ZNF99: variants seen among roughly 807,000 people sequenced by gnomAD.
The protein encoded by ZNF99 is zinc finger protein 99, also known as zinc finger protein ENSP00000375192.
In ZNF99, 8 loss-of-function variants were observed where a neutral mutation model predicts 12.8. That is an observed-to-expected ratio of 0.62 (90% confidence interval 0.37 to 1.13). The LOEUF is 1.13. Ranked by LOEUF, ZNF99 falls within the 50% of genes most tolerant of loss-of-function variation. ZNF99 has a pLI of 0.02. For missense variants in ZNF99, 1,007 were observed against 1,006.2 expected (o/e 1.00, Z -0.01); for synonymous variants, 318 against 319.0 (o/e 1.00, Z 0.03).
Position 22,756,324 on chromosome 19 carries a change from G to A in ZNF99, c.*990C>T, listed in dbSNP as rs543336736. Reference sequence around the variant, plus strand: ...CCTCCAGTATGAATTGTTTTATGTTGAGTAAGGTGTGAGGACTGGTTAAAG... The same window carrying A: ...CCTCCAGTATGAATTGTTTTATGTTAAGTAAGGTGTGAGGACTGGTTAAAG... On this transcript the variant is annotated 3_prime_UTR_variant, in exon 4 of 4. Transcript: ENST00000596209. The A allele has an allele frequency of 1.3e-6, 2 of 1,519,046 alleles. No individual in the cohort carries two copies. The highest frequency in any genetic ancestry group is 1.7e-5 in the African/African-American group (1 of 57,496). The allele number at this position is 1,519,046 out of a possible 1,614,324, so 94.1% of individuals were successfully genotyped here. A position where few individuals can be genotyped will look rare whatever the true frequency, so the allele number is the denominator to read the frequency against.
intron 3 of ZNF99, among the ~76,000 whole-genome samples, chr19:22,760,818 A>C (rs1973142577): frequency 6.6e-6 from 1 of 151,520 alleles, no homozygotes; most frequent in Non-Finnish European, 1.5e-5. Context: ...ACAGCAGCAG[A>C]GAATGTAGTA....
At chr19:22,781,634 A>G (rs1282199926) in intron 1 of ZNF99, among the ~76,000 whole-genome samples, 3 of 151,932 alleles carry the variant, frequency 2.0e-5, no homozygotes, top group African/African-American at 7.3e-5. Context: ...AGACAATCTT[A>G]ATGTCTCAAG....
chr19:22,768,453 G>A, intron 2 of ZNF99, 53 bp from the exon 3 acceptor site: 4 of 1,461,682 alleles, frequency 2.7e-6, no homozygotes, highest in South Asian at 2.6e-5. Context: ...CCCAAATAAT[G>A]TGCTCATTAA....
At chr19:22,774,795 G>A (rs8101915) in intron 1 of ZNF99, among the ~76,000 whole-genome samples, 13,030 of 152,120 alleles carry the variant, frequency 0.086, 574 homozygotes, top group Middle Eastern at 0.11. Flanking sequence ...GCTTGAACCC[G>A]GAAGACAGAG....
At chr19:22,771,305 G>A (rs1031192532) in intron 1 of ZNF99, 1 of 134,660 alleles carries the variant, frequency 7.4e-6, no homozygotes, top group Non-Finnish European at 1.5e-5. Context: ...GCCCAGGCTG[G>A]AGTGTAGCAG....
At chr19:22,766,952 A>G (rs1973211042) in intron 3 of ZNF99, among the ~76,000 whole-genome samples, 2 of 151,982 alleles carry the variant, frequency 1.3e-5, no homozygotes, top group South Asian at 4.2e-4. Flanking sequence ...TGCCTGGCGT[A>G]ACTTTCTTTA....
intron 3 of ZNF99, among the ~76,000 whole-genome samples, chr19:22,761,219 T>C (rs931388185): frequency 6.6e-6 from 1 of 152,046 alleles, no homozygotes; most frequent in Admixed American, 6.6e-5. Context: ...CTATAAAAAA[T>C]TTTAAAAATG....
intron 1 of ZNF99, among the ~76,000 whole-genome samples, chr19:22,779,004 T>A (rs1192899608): frequency 7.2e-6 from 1 of 139,060 alleles, no homozygotes; most frequent in South Asian, 2.4e-4. Flanking sequence ...CAAAACTCTA[T>A]CTCAAAAAAA....
At chr19:22,780,314 G>A (rs888620718) in intron 1 of ZNF99, among the ~76,000 whole-genome samples, 25 of 152,248 alleles carry the variant, frequency 1.6e-4, no homozygotes, top group Admixed American at 1.4e-3. Context: ...ATTTTAAGGT[G>A]CTTACACTTT....
In ZNF99 at chr19:22,784,070, C is replaced by T. The variant is rs1209417549; in HGVS notation, c.-54G>A. On this transcript the variant is annotated 5_prime_UTR_variant, in exon 1 of 4. Transcript: ENST00000596209. The stretch of plus-strand genomic sequence containing the variant: ...CTAGCTGTGGATCTCCAAATACCTA[C>T]AGGTCACAGGGCCACAGAGGCTAAG... 18 of 1,607,300 alleles carry T rather than the reference C, an allele frequency of 1.1e-5. No individual in the cohort carries two copies. Among genetic ancestry groups the T allele is most frequent in the Non-Finnish European group, 1.4e-5 (17 of 1,175,104 alleles).
chr19:22,761,651 T>C (rs12986388), intron 3 of ZNF99, among the ~76,000 whole-genome samples: 6,217 of 152,200 alleles, frequency 0.041, 156 homozygotes, highest in East Asian at 0.074. Flanking sequence ...TTAACAGATA[T>C]ATACAGAACA....
intron 1 of ZNF99, among the ~76,000 whole-genome samples, chr19:22,781,952 GA>G (rs938998607): frequency 3.5e-4 from 51 of 143,708 alleles, no homozygotes; most frequent in South Asian, 1.1e-3. Flanking sequence ...GAGCAAGGAG[GA>G]AAAAAAAAAA....
Position 22,756,830 on chromosome 19 carries a change from G to A in ZNF99, c.*484C>T. The A allele has an allele frequency of 6.2e-7, 1 of 1,612,360 alleles. No individual in the cohort carries two copies. Among genetic ancestry groups the A allele is most frequent in the Non-Finnish European group, 8.5e-7 (1 of 1,179,326 alleles). On this transcript the variant is annotated 3_prime_UTR_variant, in exon 4 of 4. Coordinates refer to ENST00000596209, the MANE Select transcript of ZNF99 (RefSeq NM_001080409.3). ...GTATAATTATCTCATGTTTTCTAAG[G>A]GCTGAGAAATGCTTAAAAGCTTTGC...
At chr19:22,760,804 T>C (rs1359514291) in intron 3 of ZNF99, among the ~76,000 whole-genome samples, 1 of 146,242 alleles carries the variant, frequency 6.8e-6, no homozygotes, top group East Asian at 2.0e-4. Flanking sequence ...CAAAGTTAAA[T>C]ATTACAGCAG....
rs112880213 is a variant in ZNF99, at chr19:22,775,279, C to G, written c.4-5955G>C. On this transcript the variant is annotated intron_variant, in intron 1 of 3. Coordinates refer to ENST00000596209, the MANE Select transcript of ZNF99 (RefSeq NM_001080409.3). ...TGCCACAGACCTAAAACCACCTGATCTTTGACAAAACTAATAAGAGGAATG... is the reference window on the plus strand; with the variant it reads ...TGCCACAGACCTAAAACCACCTGATGTTTGACAAAACTAATAAGAGGAATG... Among the ~76,000 whole-genome samples the G allele has an allele frequency of 6.5e-3, 984 of 152,236 alleles. 11 individuals carry two copies. The highest frequency in any genetic ancestry group is 0.02 in the African/African-American group (822 of 41,528).
chr19:22,759,396 T>A lies in ZNF99; in HGVS notation c.513A>T (p.Lys171Asn). ...NRYKIRHTKK[K>N]TFKCMKCSKS... ...TGCTACATTTCATACATTTGAAAGT[T>A]TTCTTTTTAGTGTGTCTAATCTTAT... Residue 171 changes from lysine (K) to asparagine (N), a missense_variant, in exon 4 of 4, where the codon AAA (lysine) becomes AAT (asparagine). By Grantham distance (94) the Lys-to-Asn change is moderately conservative (BLOSUM62 0). Transcript: ENST00000596209. 6.4e-7 allele frequency: 1 copy of A among 1,565,968 alleles called. No individual in the cohort carries two copies. Among genetic ancestry groups the A allele is most frequent in the South Asian group, 1.2e-5 (1 of 86,272 alleles).
Position 22,757,918 on chromosome 19 carries a change from AG to A in ZNF99, c.1990del (p.Thr665LeufsTer5), listed in dbSNP as rs1973090798. The A allele has an allele frequency of 6.2e-7, 1 of 1,611,906 alleles. No individual in the cohort carries two copies. The highest frequency in any genetic ancestry group is 1.1e-5 in the South Asian group (1 of 90,998). ...AGTATGAATTACTTTATGTCTAGTA[AG>A]GTGTGAGGACCACTTAAAAGCTTTA... ...CGKAFKWSSHLTRHKVIHTEE... is the reference protein window; with the variant it reads ...CGKAFKWSSHXTRHKVIHTEE... On this transcript the variant is annotated frameshift_variant, in exon 4 of 4. Coordinates refer to ENST00000596209, the MANE Select transcript of ZNF99 (RefSeq NM_001080409.3). LOFTEE classifies it low-confidence loss of function (END_TRUNC).
intron 1 of ZNF99, among the ~76,000 whole-genome samples, chr19:22,769,760 CA>C (rs376034686): frequency 2.7e-3 from 232 of 84,864 alleles, no homozygotes; most frequent in Middle Eastern, 7.7e-3. Flanking sequence ...GACTCTGTCT[CA>C]AAAAAAAAAA....
At chr19:22,763,404 A>T (rs1973170627) in intron 3 of ZNF99, among the ~76,000 whole-genome samples, 1 of 151,562 alleles carries the variant, frequency 6.6e-6, no homozygotes, top group African/African-American at 2.4e-5. Context: ...AAAAAAAAAA[A>T]TTAGGAATAT....
Sources: allele counts gnomAD v4.1 joint callset (sites outside exome capture counted in the v4.1 genomes callset), GRCh38; gene constraint gnomAD v4.1.1; transcripts MANE v1.5; gene names NCBI Gene and HGNC (gene_info 2026-07-23, HGNC 2026-07-21).